Variants in TNIK observed in about 807,000 individuals in gnomAD.
The protein encoded by TNIK is TRAF2 and NCK-interacting protein kinase.
TNIK carries 49 observed loss-of-function variants against 191.3 expected under a neutral mutation model. The observed-to-expected ratio is 0.26, with a 90% confidence interval of 0.20 to 0.32. The LOEUF (loss-of-function observed/expected upper bound fraction) is 0.32. Ranked by LOEUF, TNIK falls within the 10% of genes least tolerant of loss-of-function variation. The pLI, the probability that TNIK is intolerant of heterozygous loss-of-function variation, is 1.00. For missense variants in TNIK, 1,155 were observed against 1,702.3 expected (o/e 0.68, Z 5.66); for synonymous variants, 594 against 600.9 (o/e 0.99, Z 0.17).
intron 1 of TNIK, among the ~76,000 whole-genome samples, chr3:171,455,698 G>A (rs535305815): frequency 6.6e-6 from 1 of 152,318 alleles, no homozygotes; most frequent in East Asian, 1.9e-4. Context: ...AAACCAGTAT[G>A]TGAGAAAGGC....
intron 22 of TNIK, among the ~76,000 whole-genome samples, chr3:171,098,657 CTGAGCTACAATATATTT>C (rs1723043988): frequency 1.3e-5 from 2 of 152,098 alleles, no homozygotes; most frequent in African/African-American, 2.4e-5. Flanking sequence ...ATGGTGGGCA[CTGAGCTACAATATATTT>C]TTGTTTTCTG....
At chr3:171,439,731 G>A (rs1726519257) in intron 1 of TNIK, 1 of 152,160 alleles carries the variant, frequency 6.6e-6, no homozygotes, top group Non-Finnish European at 1.5e-5. Flanking sequence ...CCACATTTCA[G>A]TATAGTTCTT....
intron 2 of TNIK, among the ~76,000 whole-genome samples, chr3:171,232,272 T>C (rs1384430077): frequency 6.6e-6 from 1 of 151,718 alleles, no homozygotes; most frequent in African/African-American, 2.4e-5. Context: ...ATGGCTTGAC[T>C]CCAGGAGTTC....
intron 29 of TNIK, among the ~76,000 whole-genome samples, chr3:171,069,592 T>C (rs1036091333): frequency 1.3e-5 from 2 of 152,168 alleles, no homozygotes; most frequent in East Asian, 1.9e-4. Context: ...CATCACAAGA[T>C]TGATGGCTTG....
At chr3:171,151,416 G>C (rs1320806244) in intron 12 of TNIK, among the ~76,000 whole-genome samples, 2 of 152,152 alleles carry the variant, frequency 1.3e-5, no homozygotes, top group Non-Finnish European at 2.9e-5. Flanking sequence ...TCAAACTTTG[G>C]AAATTTGTTT....
At chr3:171,074,561 G>C (rs1252741871) in intron 28 of TNIK, among the ~76,000 whole-genome samples, 1 of 151,960 alleles carries the variant, frequency 6.6e-6, no homozygotes, top group African/African-American at 2.4e-5. Flanking sequence ...CTGATTTTCA[G>C]GGTGAAAGAA....
intron 2 of TNIK, among the ~76,000 whole-genome samples, chr3:171,337,318 T>C (rs1560446574): frequency 6.6e-6 from 1 of 152,204 alleles, no homozygotes; most frequent in Non-Finnish European, 1.5e-5. Context: ...TAGTCTGTGC[T>C]TCCTGGACAG....
chr3:171,183,445 T>C (rs571920566), intron 7 of TNIK, among the ~76,000 whole-genome samples: 1 of 152,358 alleles, frequency 6.6e-6, no homozygotes, highest in East Asian at 1.9e-4. Context: ...GACTAGTTTA[T>C]TCTTTTGAAA....
intron 22 of TNIK, among the ~76,000 whole-genome samples, chr3:171,099,886 C>T (rs996740804): frequency 6.6e-6 from 1 of 152,102 alleles, no homozygotes; most frequent in African/African-American, 2.4e-5. Flanking sequence ...GACCTAAAAC[C>T]CAAATGCTAA....
chr3:171,328,975 G>A (rs915944969), intron 2 of TNIK, among the ~76,000 whole-genome samples: 8 of 152,244 alleles, frequency 5.3e-5, no homozygotes, highest in Admixed American at 3.3e-4. Flanking sequence ...TGTTATTTCT[G>A]TAATCTTCAT....
chr3:171,300,174 C>T (rs564149053), intron 2 of TNIK, among the ~76,000 whole-genome samples: 12 of 152,276 alleles, frequency 7.9e-5, no homozygotes, highest in South Asian at 4.1e-4. Context: ...GAAAAATACA[C>T]GCTGGGTGAT....
chr3:171,203,905 A>G (rs893541497), intron 4 of TNIK, among the ~76,000 whole-genome samples: 3 of 152,208 alleles, frequency 2.0e-5, no homozygotes, highest in Non-Finnish European at 2.9e-5. Context: ...AAAATCTGCT[A>G]TCTTACTTGA....
intron 7 of TNIK, among the ~76,000 whole-genome samples, chr3:171,187,225 T>G (rs906338050): frequency 1.3e-5 from 2 of 152,190 alleles, no homozygotes; most frequent in Non-Finnish European, 2.9e-5. Flanking sequence ...GGGATGTATA[T>G]TTTGTAGTGG....
At chr3:171,267,323 G>C (rs1259831680) in intron 2 of TNIK, among the ~76,000 whole-genome samples, 5 of 152,168 alleles carry the variant, frequency 3.3e-5, no homozygotes, top group Admixed American at 2.6e-4. Flanking sequence ...CAGTACCAAA[G>C]AATTCCTGCC....
intron 18 of TNIK, among the ~76,000 whole-genome samples, chr3:171,111,484 T>C (rs545938130): frequency 2.2e-3 from 251 of 115,500 alleles, no homozygotes; most frequent in Non-Finnish European, 4.4e-3. Flanking sequence ...CCTATTAGAA[T>C]GGCTGTTTTC....
chr3:171,307,656 G>T (rs1012805866), intron 2 of TNIK, among the ~76,000 whole-genome samples: 9 of 152,072 alleles, frequency 5.9e-5, no homozygotes, highest in African/African-American at 1.9e-4. Flanking sequence ...CCTGGAAAAA[G>T]AACTGACAGT....
intron 4 of TNIK, among the ~76,000 whole-genome samples, chr3:171,207,607 G>T (rs1023575692): frequency 1.3e-5 from 2 of 152,136 alleles, no homozygotes; most frequent in African/African-American, 4.8e-5. Context: ...GAGCAAGGGG[G>T]ACTTCCAGGG....
At chr3:171,396,056 G>A (rs543827730) in intron 1 of TNIK, among the ~76,000 whole-genome samples, 3 of 151,902 alleles carry the variant, frequency 2.0e-5, no homozygotes, top group Non-Finnish European at 2.9e-5. Context: ...ACATTTCATC[G>A]CCTCAAAAAG....
chr3:171,309,262 G>A (rs1250136773), intron 2 of TNIK, among the ~76,000 whole-genome samples: 2 of 152,092 alleles, frequency 1.3e-5, no homozygotes, highest in Non-Finnish European at 2.9e-5. Flanking sequence ...AACATGGATG[G>A]AGCTGGAGGT....
Sources: gnomAD v4.1 joint callset for allele counts (sites outside exome capture counted in the v4.1 genomes callset) on GRCh38, gnomAD v4.1.1 for gene constraint, MANE v1.5 for transcripts, NCBI Gene and HGNC (gene_info 2026-07-23, HGNC 2026-07-21) for gene names.